LINGO1: variants seen among roughly 807,000 people sequenced by gnomAD.
LINGO1 encodes leucine rich repeat and Ig domain containing 1.
Under a neutral mutation model 37.3 loss-of-function variants are expected in LINGO1, and 11 were observed. That is an observed-to-expected ratio of 0.29 (90% CI 0.19 to 0.49). The LOEUF is 0.49. Among genes scored for constraint, LINGO1 ranks in the 20% least tolerant of loss-of-function variants. The pLI, the probability that LINGO1 is intolerant of heterozygous loss-of-function variation, is 0.99. For synonymous variants in LINGO1, 387 were observed against 403.0 expected, an observed-to-expected ratio of 0.96 and a Z score of 0.48; for missense variants, 585 against 878.2, an observed-to-expected ratio of 0.67 and a Z score of 4.22.
intron 2 of LINGO1, among the ~76,000 whole-genome samples, chr15:77,701,847 C>G (rs143150148): frequency 6.6e-6 from 1 of 152,246 alleles, no homozygotes; most frequent in African/African-American, 2.4e-5. Context: ...GAACCATGAC[C>G]CAAACATACT....
chr15:77,801,467 C>G (rs757052224), intron 1 of LINGO1, among the ~76,000 whole-genome samples: 9 of 152,166 alleles, frequency 5.9e-5, no homozygotes, highest in Non-Finnish European at 1.5e-5. Context: ...GAGGACAGCA[C>G]GCCAAGCTTT....
chr15:77,770,560 C>A (rs1459738587), intron 1 of LINGO1, among the ~76,000 whole-genome samples: 1 of 140,788 alleles, frequency 7.1e-6, no homozygotes, highest in African/African-American at 2.7e-5. Context: ...TGCACTCCAG[C>A]CTGGGTAACA....
chr15:77,614,412 C>T lies in LINGO1; in HGVS notation c.1495G>A (p.Ala499Thr), dbSNP rs1431450080. 2 of 1,612,834 alleles carry T rather than the reference C, an allele frequency of 1.2e-6. No individual in the cohort carries two copies. The highest frequency in any genetic ancestry group is 1.7e-6 in the Non-Finnish European group (2 of 1,179,826). The change falls in exon 2 of 2, where the codon GCG (alanine) becomes ACG (threonine). Residue 499 changes from alanine (A) to threonine (T), a missense_variant. Ala to Thr is a moderately conservative substitution (Grantham distance 58). This residue lies in a region of LINGO1 where 484 missense variants were observed against 735.0 expected (regional missense o/e 0.66). Transcript: ENST00000355300. ...GAGTCGTTGCCGCCCGCGTTGGCCG[C>T]GATGCACAGGTACGTGCCGTTGTCC... ...VQDNGTYLCI[A>T]ANAGGNDSMP...
At chr15:77,749,012 A>G (rs1423111636) in intron 1 of LINGO1, among the ~76,000 whole-genome samples, 4 of 142,066 alleles carry the variant, frequency 2.8e-5, no homozygotes, top group Admixed American at 7.6e-5. Flanking sequence ...GGTTCAAGCT[A>G]TTCTCCTACC....
chr15:77,724,452 C>T (rs2076082416), intron 2 of LINGO1, among the ~76,000 whole-genome samples: 1 of 152,212 alleles, frequency 6.6e-6, no homozygotes, highest in South Asian at 2.1e-4. Context: ...GAAGACGCAA[C>T]TAATGTCGAA....
intron 2 of LINGO1, among the ~76,000 whole-genome samples, chr15:77,792,303 C>T (rs2076824581): frequency 2.0e-5 from 3 of 152,236 alleles, no homozygotes; most frequent in Admixed American, 6.5e-5. Context: ...CACCCAGGCC[C>T]GGCCCCACCA....
upstream of LINGO1, among the ~76,000 whole-genome samples, chr15:77,633,392 A>C (rs924065851): frequency 6.6e-5 from 10 of 152,202 alleles, no homozygotes; most frequent in African/African-American, 2.4e-4. Context: ...CTACACGAAC[A>C]GGGTTGTTTG....
chr15:77,820,290 G>C (rs1351150144), exon 1 of LINGO1: 1 of 152,252 alleles, frequency 6.6e-6, no homozygotes, highest in Non-Finnish European at 1.5e-5. Flanking sequence ...GGGGCCCCGG[G>C]GAAGGGACCT....
chr15:77,741,068 G>A (rs907390389), intron 1 of LINGO1, among the ~76,000 whole-genome samples: 14 of 152,212 alleles, frequency 9.2e-5, no homozygotes, highest in African/African-American at 3.1e-4. Context: ...ATGTGGCCAA[G>A]GAAGGGAACC....
upstream of LINGO1, among the ~76,000 whole-genome samples, chr15:77,636,986 T>C (rs1444762135): frequency 6.6e-6 from 1 of 152,220 alleles, no homozygotes; most frequent in Non-Finnish European, 1.5e-5. Context: ...CCTGGAGATG[T>C]GGCTCGGTAT....
chr15:77,796,852 A>G (rs138237933), intron 1 of LINGO1, among the ~76,000 whole-genome samples: 99 of 152,264 alleles, frequency 6.5e-4, no homozygotes, highest in African/African-American at 2.3e-3. Context: ...CTGGGACTAC[A>G]GTTGTGTGTA....
At chr15:77,736,806 A>G (rs1368806919) in intron 1 of LINGO1, among the ~76,000 whole-genome samples, 2 of 152,170 alleles carry the variant, frequency 1.3e-5, no homozygotes, top group Non-Finnish European at 2.9e-5. Context: ...AAGAAAAGAA[A>G]AAAGAAAAGA....
chr15:77,720,390 C>T (rs961609185), intron 2 of LINGO1, among the ~76,000 whole-genome samples: 2 of 152,252 alleles, frequency 1.3e-5, no homozygotes, highest in East Asian at 3.9e-4. Flanking sequence ...CTGCATCCGC[C>T]CCCACGTGTG....
chr15:77,622,032 G>T (rs1187530484), intron 1 of LINGO1, among the ~76,000 whole-genome samples: 1 of 152,200 alleles, frequency 6.6e-6, no homozygotes, highest in Non-Finnish European at 1.5e-5. Flanking sequence ...AACGAGGTGG[G>T]TGTGCGCGGT....
chr15:77,619,976 C>T (rs2073868363), intron 1 of LINGO1, among the ~76,000 whole-genome samples: 1 of 152,160 alleles, frequency 6.6e-6, no homozygotes, highest in African/African-American at 2.4e-5. Flanking sequence ...GCTGGCACAG[C>T]AAGGGCACAG....
At chr15:77,640,448 G>T (rs1210436858) in intron 3 of LINGO1, among the ~76,000 whole-genome samples, 1 of 152,194 alleles carries the variant, frequency 6.6e-6, no homozygotes, top group African/African-American at 2.4e-5. Context: ...TGGCATGCTA[G>T]GCCACATACT....
intron 3 of LINGO1, among the ~76,000 whole-genome samples, chr15:77,640,624 G>C (rs1299070960): frequency 6.6e-6 from 1 of 152,166 alleles, no homozygotes; most frequent in Non-Finnish European, 1.5e-5. Context: ...ATTCTGACCT[G>C]TCCTCTGTTT....
intron 1 of LINGO1, among the ~76,000 whole-genome samples, chr15:77,618,333 C>T (rs1277199445): frequency 6.6e-6 from 1 of 152,192 alleles, no homozygotes; most frequent in Non-Finnish European, 1.5e-5. Context: ...TCCCACCAGT[C>T]CCTGAGCAAA....
chr15:77,681,193 GAA>G (rs1166999998), intron 2 of LINGO1, among the ~76,000 whole-genome samples: 1 of 151,464 alleles, frequency 6.6e-6, no homozygotes, highest in Admixed American at 6.6e-5. Context: ...TTGATGATGA[GAA>G]ATTCAAAATG....
Sources: allele counts gnomAD v4.1 joint callset (sites outside exome capture counted in the v4.1 genomes callset), GRCh38; gene constraint gnomAD v4.1.1; regional missense constraint gnomAD v4.1.1; transcripts MANE v1.5; gene names NCBI Gene and HGNC (gene_info 2026-07-23, HGNC 2026-07-21).